LRBA: variants seen among roughly 807,000 people sequenced by gnomAD.
The protein encoded by LRBA is LPS responsive beige-like anchor protein, also known as lipopolysaccharide-responsive and beige-like anchor protein.
Under a neutral mutation model 330.0 loss-of-function variants are expected in LRBA, and 176 were observed. The ratio of observed to expected loss-of-function variants is 0.53; its 90% confidence interval spans 0.47 to 0.60. The LOEUF (loss-of-function observed/expected upper bound fraction) is 0.60, where lower values mean the gene tolerates loss of function less well. LRBA is among the 20% of genes least tolerant of loss of function. The pLI is 0.00. For missense variants in LRBA, 3,259 were observed against 3,444.8 expected, an observed-to-expected ratio of 0.95 and a Z score of 1.35; for synonymous variants, 1,230 against 1,193.0, an observed-to-expected ratio of 1.03 and a Z score of -0.64.
At chr4:150,858,421 C>A (rs1402054903) in intron 22 of LRBA, among the ~76,000 whole-genome samples, 2 of 151,540 alleles carry the variant, frequency 1.3e-5, no homozygotes, top group African/African-American at 2.4e-5. Context: ...TTGATAAAAA[C>A]ACACACACAA....
intron 48 of LRBA, among the ~76,000 whole-genome samples, chr4:150,338,665 A>AT (rs950577357): frequency 2.3e-4 from 35 of 151,796 alleles, no homozygotes; most frequent in Admixed American, 3.9e-4. Context: ...ATTGGAAAGG[A>AT]TTTTTTTTTA....
chr4:150,883,158 C>G (rs573415022), intron 17 of LRBA, among the ~76,000 whole-genome samples: 4 of 151,870 alleles, frequency 2.6e-5, no homozygotes, highest in African/African-American at 9.7e-5. Flanking sequence ...TTCATGGTGG[C>G]CTTCAAAAAT....
At chr4:150,471,563 T>A in intron 43 of LRBA, 61 bp downstream of exon 43, 1 of 959,470 alleles carries the variant, frequency 1.0e-6, no homozygotes, top group Admixed American at 2.4e-5. Context: ...CTTAAAATAA[T>A]CTAACAATTG....
At chr4:150,657,834 A>G (rs1403037015) in intron 37 of LRBA, among the ~76,000 whole-genome samples, 1 of 152,202 alleles carries the variant, frequency 6.6e-6, no homozygotes, top group Non-Finnish European at 1.5e-5. Context: ...TTAATAATAT[A>G]AGATTTAACA....
At chr4:150,281,474 C>T (rs991805046) in intron 55 of LRBA, among the ~76,000 whole-genome samples, 1 of 152,050 alleles carries the variant, frequency 6.6e-6, no homozygotes, top group Non-Finnish European at 1.5e-5. Flanking sequence ...AGCTTTGTTC[C>T]CTGAGACCAG....
At position 150,487,732 on chromosome 4, in the gene LRBA, C is replaced by T. The variant is rs1012033857; in HGVS notation, c.6551G>A (p.Arg2184Lys). 1 of 1,582,596 alleles carries T rather than the reference C, an allele frequency of 6.3e-7. No homozygotes were observed. The highest frequency in any genetic ancestry group is 1.3e-5 in the African/African-American group (1 of 74,348). ...CTAAGTTTCTCATATAAAACAGTAC[C>T]TGGTTTGAGGCAATCCAAAACTTGT... ...VGTSFGLPQT[R>K]RISLASPRQL... is the part of the protein sequence containing the mutation. The change falls in exon 42 of 57, where the codon AGA becomes AAA. Residue 2184 changes from arginine (R) to lysine (K), a missense_variant and splice_region_variant. Arg to Lys is a conservative substitution (Grantham distance 26). Coordinates refer to ENST00000651943, the MANE Select transcript of LRBA (RefSeq NM_001364905.1).
chr4:150,704,934 T>C (rs1399296028), intron 36 of LRBA, among the ~76,000 whole-genome samples: 4 of 152,214 alleles, frequency 2.6e-5, no homozygotes, highest in Non-Finnish European at 5.9e-5. Flanking sequence ...ACTTAACACA[T>C]ACAGCAGATT....
At chr4:150,636,735 C>T (rs1322911779) in intron 37 of LRBA, among the ~76,000 whole-genome samples, 2 of 152,202 alleles carry the variant, frequency 1.3e-5, no homozygotes, top group African/African-American at 2.4e-5. Context: ...GCAGCCTCAG[C>T]CTCCTAGGCT....
chr4:150,778,821 C>T (rs1023585134), intron 34 of LRBA, among the ~76,000 whole-genome samples: 1 of 152,092 alleles, frequency 6.6e-6, no homozygotes, highest in Non-Finnish European at 1.5e-5. Context: ...CAATTGCTGC[C>T]CTTTGAGGTC....
chr4:150,853,405 A>C (rs916999724), intron 22 of LRBA, among the ~76,000 whole-genome samples: 2 of 152,196 alleles, frequency 1.3e-5, no homozygotes, highest in African/African-American at 4.8e-5. Context: ...AGCTCTACAG[A>C]TATCTATTAA....
intron 2 of LRBA, among the ~76,000 whole-genome samples, chr4:150,979,285 C>T (rs562615386): frequency 6.6e-6 from 1 of 152,206 alleles, no homozygotes; most frequent in East Asian, 1.9e-4. Context: ...AATATTATAT[C>T]CAGTGAAAAT....
chr4:150,902,246 G>A (rs2127141459), intron 13 of LRBA, among the ~76,000 whole-genome samples: 1 of 152,270 alleles, frequency 6.6e-6, no homozygotes, highest in East Asian at 1.9e-4. Context: ...TAGTAGAATA[G>A]ACAGACAGAA....
chr4:150,502,255 GT>G (rs1432796584), intron 40 of LRBA, among the ~76,000 whole-genome samples: 1 of 152,184 alleles, frequency 6.6e-6, no homozygotes, highest in East Asian at 1.9e-4. Flanking sequence ...ACTCAAAAGG[GT>G]TTTGCCACAG....
chr4:150,991,342 T>C (rs1429934134), intron 2 of LRBA, among the ~76,000 whole-genome samples: 1 of 152,164 alleles, frequency 6.6e-6, no homozygotes, highest in African/African-American at 2.4e-5. Flanking sequence ...AAGCACACTC[T>C]TCAGTATTCA....
At chr4:150,371,186 T>A (rs1561079598) in intron 47 of LRBA, among the ~76,000 whole-genome samples, 3 of 120,290 alleles carry the variant, frequency 2.5e-5, no homozygotes, top group Non-Finnish European at 5.0e-5. Flanking sequence ...TACTAAATTT[T>A]TTTTTTTTTT....
chr4:150,777,510 T>A (rs1428570578), intron 34 of LRBA, among the ~76,000 whole-genome samples: 1 of 152,204 alleles, frequency 6.6e-6, no homozygotes, highest in Non-Finnish European at 1.5e-5. Flanking sequence ...GATGTAGTTA[T>A]CTATGCCCTT....
intron 37 of LRBA, among the ~76,000 whole-genome samples, chr4:150,680,453 T>C (rs567467169): frequency 1.3e-5 from 2 of 152,194 alleles, no homozygotes; most frequent in Non-Finnish European, 1.5e-5. Context: ...TCAAAAGATA[T>C]TAGATGCCTG....
chr4:150,767,049 C>T (rs1735852607), intron 34 of LRBA, among the ~76,000 whole-genome samples: 1 of 151,868 alleles, frequency 6.6e-6, no homozygotes, highest in African/African-American at 2.4e-5. Context: ...CATAGATCTC[C>T]ACCAAATTTC....
intron 40 of LRBA, among the ~76,000 whole-genome samples, chr4:150,499,216 T>A (rs1196039060): frequency 1.3e-5 from 2 of 152,228 alleles, no homozygotes; most frequent in Non-Finnish European, 2.9e-5. Context: ...CTTCCTTACA[T>A]GTACGGTATA....
Sources: allele counts gnomAD v4.1 joint callset (sites outside exome capture counted in the v4.1 genomes callset), GRCh38; gene constraint gnomAD v4.1.1; transcripts MANE v1.5; gene names NCBI Gene and HGNC (gene_info 2026-07-23, HGNC 2026-07-21).